PDE4B: variants seen among roughly 807,000 people sequenced by gnomAD.
The protein encoded by PDE4B is phosphodiesterase 4B.
Under a neutral mutation model 82.2 loss-of-function variants are expected in PDE4B, and 20 were observed. The ratio of observed to expected loss-of-function variants is 0.24; its 90% CI spans 0.17 to 0.35. The LOEUF is 0.35. PDE4B is among the 10% of genes least tolerant of loss of function. The pLI, the probability that PDE4B is intolerant of heterozygous loss-of-function variation, is 1.00. For missense variants in PDE4B, 655 were observed against 907.2 expected, an observed-to-expected ratio of 0.72 and a Z score of 3.57; for synonymous variants, 320 against 318.9, an observed-to-expected ratio of 1.00 and a Z score of -0.04.
intron 3 of PDE4B, among the ~76,000 whole-genome samples, chr1:65,921,931 C>G (rs1647264069): frequency 6.6e-6 from 1 of 152,136 alleles, no homozygotes; most frequent in Non-Finnish European, 1.5e-5. Flanking sequence ...CCATCAAAGA[C>G]AGTGAAATAA....
intron 3 of PDE4B, among the ~76,000 whole-genome samples, chr1:66,143,153 G>T (rs921597474): frequency 6.6e-6 from 1 of 152,210 alleles, no homozygotes; most frequent in African/African-American, 2.4e-5. Flanking sequence ...CTTCTCTTTT[G>T]CTAGACACTG....
intron 1 of PDE4B, among the ~76,000 whole-genome samples, chr1:65,874,982 G>A (rs1026553329): frequency 2.6e-5 from 4 of 151,272 alleles, no homozygotes; most frequent in African/African-American, 9.7e-5. Context: ...CTTCTGCACA[G>A]CAAAAGAAAC....
intron 3 of PDE4B, among the ~76,000 whole-genome samples, chr1:66,188,785 T>C (rs1001804807): frequency 3.3e-5 from 5 of 152,052 alleles, no homozygotes; most frequent in African/African-American, 1.2e-4. Flanking sequence ...TGACTGTTTA[T>C]CCAATTTGCC....
At chr1:66,362,649 T>C (rs1488878603) in intron 10 of PDE4B, among the ~76,000 whole-genome samples, 1 of 152,206 alleles carries the variant, frequency 6.6e-6, no homozygotes, top group Non-Finnish European at 1.5e-5. Flanking sequence ...AGCCCTAGGA[T>C]GTAATTCATG....
Position 66,365,663 on chromosome 1 carries a change from A to G in PDE4B, c.1285-4A>G. ...GTAGTTAAATGTGTTTATTTGCCCG[A>G]CAGGCTGTCTTCACAGATTTGGAGA... is the stretch of plus-strand genomic sequence containing the variant. On this transcript the variant is annotated splice_region_variant and splice_polypyrimidine_tract_variant and intron_variant, in intron 12 of 16. Transcript: ENST00000341517. 3 of 1,591,170 alleles carry G rather than the reference A, an allele frequency of 1.9e-6. No homozygotes were observed. The highest frequency in any genetic ancestry group is 1.1e-5 in the South Asian group (1 of 90,066).
chr1:65,810,494 G>C (rs1645806526), intron 1 of PDE4B, among the ~76,000 whole-genome samples: 1 of 152,012 alleles, frequency 6.6e-6, no homozygotes, highest in Non-Finnish European at 1.5e-5. Context: ...CCAACCCAAA[G>C]TCTATACTTT....
Position 66,192,533 on chromosome 1 carries a change from C to T in PDE4B, c.282-54927C>T, listed in dbSNP as rs555206340. On this transcript the variant is annotated intron_variant, in intron 3 of 16. Coordinates refer to ENST00000341517, the MANE Select transcript of PDE4B (RefSeq NM_002600.4). ...CTTTCACCTCTTGGCCATGAAACCC[C>T]GGAAGATCATGACTGTTTCCTTCAT... Among the ~76,000 whole-genome samples the T allele has an allele frequency of 5.3e-5, 8 of 152,158 alleles. 1 individual carries two copies. In the Middle Eastern group the frequency reaches 0.01, roughly 195 times the overall value.
chr1:66,009,022 G>GTC (rs1160597463), intron 3 of PDE4B, among the ~76,000 whole-genome samples: 5 of 152,038 alleles, frequency 3.3e-5, no homozygotes, highest in East Asian at 1.9e-4. Context: ...CTAGATCTAT[G>GTC]TCTCTCTCCA....
intron 3 of PDE4B, among the ~76,000 whole-genome samples, chr1:66,073,696 A>T (rs1656276938): frequency 2.0e-5 from 3 of 152,152 alleles, no homozygotes. Flanking sequence ...TTCTCTCCAA[A>T]GTAAATATAA....
chr1:66,211,044 C>T (rs1227630727), intron 3 of PDE4B, among the ~76,000 whole-genome samples: 1 of 152,178 alleles, frequency 6.6e-6, no homozygotes, highest in Non-Finnish European at 1.5e-5. Flanking sequence ...GACATCAGGG[C>T]TTGCTTAAGC....
At chr1:66,132,498 A>C (rs1645969748) in intron 3 of PDE4B, among the ~76,000 whole-genome samples, 1 of 152,192 alleles carries the variant, frequency 6.6e-6, no homozygotes, top group African/African-American at 2.4e-5. Flanking sequence ...GAGTACAGGA[A>C]CATAATATAA....
chr1:66,080,731 A>G (rs1284789800), intron 3 of PDE4B, among the ~76,000 whole-genome samples: 1 of 152,046 alleles, frequency 6.6e-6, no homozygotes. Flanking sequence ...TTGAAATATT[A>G]AATGTATTTT....
intron 8 of PDE4B, among the ~76,000 whole-genome samples, chr1:66,353,420 C>T (rs904671023): frequency 5.3e-5 from 8 of 152,270 alleles, no homozygotes; most frequent in East Asian, 1.9e-4. Context: ...GGCATGACTC[C>T]GGGCTTGGAT....
At chr1:65,809,303 C>T (rs1393727302) in intron 1 of PDE4B, among the ~76,000 whole-genome samples, 2 of 118,986 alleles carry the variant, frequency 1.7e-5, no homozygotes, top group Non-Finnish European at 3.2e-5. Flanking sequence ...TGCAATCTAG[C>T]CTGGGTGACA....
At chr1:65,888,862 AT>A (rs1646821508) in intron 1 of PDE4B, among the ~76,000 whole-genome samples, 1 of 151,992 alleles carries the variant, frequency 6.6e-6, no homozygotes, top group African/African-American at 2.4e-5. Context: ...GAGTCTATAG[AT>A]TTTTTTCTAG....
intron 3 of PDE4B, among the ~76,000 whole-genome samples, chr1:65,926,240 A>G (rs1647492667): frequency 6.6e-6 from 1 of 152,168 alleles, no homozygotes; most frequent in Non-Finnish European, 1.5e-5. Context: ...TTTCCTTACT[A>G]ACTTGGCATT....
intron 3 of PDE4B, among the ~76,000 whole-genome samples, chr1:66,034,100 C>A (rs1335583542): frequency 6.6e-6 from 1 of 152,140 alleles, no homozygotes; most frequent in Non-Finnish European, 1.5e-5. Context: ...CCTAATCTTC[C>A]TCCTTACCTC....
At chr1:66,174,928 G>T (rs112536119) in intron 3 of PDE4B, among the ~76,000 whole-genome samples, 1 of 152,106 alleles carries the variant, frequency 6.6e-6, no homozygotes, top group Admixed American at 6.6e-5. Context: ...GAAGCAAGGC[G>T]CGTCTTACAT....
At chr1:66,273,598 T>C (rs1320427529) in intron 7 of PDE4B, among the ~76,000 whole-genome samples, 2 of 152,274 alleles carry the variant, frequency 1.3e-5, no homozygotes, top group Non-Finnish European at 2.9e-5. Context: ...AAATCTCTGT[T>C]ATTACACTTG....
Sources: gnomAD v4.1 joint callset for allele counts (sites outside exome capture counted in the v4.1 genomes callset) on GRCh38, gnomAD v4.1.1 for gene constraint, MANE v1.5 for transcripts, NCBI Gene and HGNC (gene_info 2026-07-23, HGNC 2026-07-21) for gene names.